PIBF1: variants seen among roughly 807,000 people sequenced by gnomAD.
PIBF1 encodes progesterone immunomodulatory binding factor 1.
A neutral mutation model predicts 112.5 loss-of-function variants in PIBF1; 90 were observed. The ratio of observed to expected loss-of-function variants is 0.80; its 90% CI spans 0.67 to 0.95. PIBF1 has a LOEUF of 0.95. Ranked by LOEUF, PIBF1 falls within the 40% of genes least tolerant of loss-of-function variation. The pLI is 0.00. For synonymous variants in PIBF1, 301 were observed against 288.6 expected (o/e 1.04, Z -0.44); for missense variants, 915 against 852.3 (o/e 1.07, Z -0.92).
chr13:72,801,340 C>T (rs1388650244), intron 5 of PIBF1, among the ~76,000 whole-genome samples: 1 of 151,296 alleles, frequency 6.6e-6, no homozygotes, highest in African/African-American at 2.4e-5. Context: ...GTGACACTCG[C>T]AGATGAACTA....
At chr13:72,955,561 G>A (rs1458128162) in intron 14 of PIBF1, among the ~76,000 whole-genome samples, 1 of 151,596 alleles carries the variant, frequency 6.6e-6, no homozygotes, top group East Asian at 1.9e-4. Flanking sequence ...AATTTTTTTC[G>A]TTTCAGAGCT....
At chr13:72,891,523 G>T (rs181544407) in intron 10 of PIBF1, among the ~76,000 whole-genome samples, 2 of 151,412 alleles carry the variant, frequency 1.3e-5, no homozygotes, top group Non-Finnish European at 2.9e-5. Context: ...ACCACTTCAC[G>T]CACACTAGAA....
intron 12 of PIBF1, among the ~76,000 whole-genome samples, chr13:72,915,637 A>T (rs2041062823): frequency 6.6e-6 from 1 of 152,198 alleles, no homozygotes; most frequent in Admixed American, 6.5e-5. Flanking sequence ...AGTAGAGCTT[A>T]TTTGGAGAAC....
At chr13:72,785,448 T>C (rs1256715415) in intron 2 of PIBF1, among the ~76,000 whole-genome samples, 1 of 152,320 alleles carries the variant, frequency 6.6e-6, no homozygotes, top group Admixed American at 6.5e-5. Context: ...TTGCTCTGAT[T>C]AAACAAAGCC....
intron 7 of PIBF1, 42 bp from the exon 8 acceptor site, chr13:72,827,691 A>G (rs2036883566): frequency 1.8e-6 from 2 of 1,112,906 alleles, no homozygotes; most frequent in Non-Finnish European, 2.5e-6. Context: ...GAAAAGTAAG[A>G]TGGCATCACT....
chr13:72,906,889 C>G (rs1313916372), intron 11 of PIBF1, among the ~76,000 whole-genome samples: 1 of 151,992 alleles, frequency 6.6e-6, no homozygotes, highest in Non-Finnish European at 1.5e-5. Context: ...TACTGATTCT[C>G]TCTTTTGACA....
chr13:72,892,519 T>C (rs545103000), intron 10 of PIBF1, among the ~76,000 whole-genome samples: 2 of 152,144 alleles, frequency 1.3e-5, no homozygotes, highest in African/African-American at 4.8e-5. Flanking sequence ...ATGAATATTA[T>C]GTAATAGCAG....
intron 8 of PIBF1, among the ~76,000 whole-genome samples, chr13:72,834,460 TA>T (rs35923544): frequency 6.6e-6 from 1 of 151,842 alleles, no homozygotes; most frequent in Non-Finnish European, 1.5e-5. Context: ...CCTGTCTCTA[TA>T]AAAAAAAGTT....
intron 3 of PIBF1, among the ~76,000 whole-genome samples, 186 bp downstream of exon 3, chr13:72,792,733 T>C (rs1253239083): frequency 6.6e-6 from 1 of 152,038 alleles, no homozygotes; most frequent in Admixed American, 6.6e-5. Context: ...ATACAGAAAG[T>C]CAAAATTCAA....
intron 5 of PIBF1, among the ~76,000 whole-genome samples, chr13:72,809,060 G>A (rs978253353): frequency 2.8e-5 from 4 of 144,992 alleles, no homozygotes; most frequent in East Asian, 2.0e-4. Context: ...CAGTCTTTCC[G>A]TTTTACTTTA....
intron 16 of PIBF1, among the ~76,000 whole-genome samples, chr13:72,989,668 G>A (rs937124846): frequency 5.3e-5 from 8 of 152,090 alleles, no homozygotes; most frequent in Admixed American, 2.0e-4. Context: ...TGTTTCTTTT[G>A]AGATGATGGA....
chr13:73,012,989 T>C (rs1424798472), intron 17 of PIBF1, among the ~76,000 whole-genome samples: 1 of 151,352 alleles, frequency 6.6e-6, no homozygotes, highest in Non-Finnish European at 1.5e-5. Flanking sequence ...CTACAAAAGC[T>C]ATAGCATATA....
At chr13:72,815,216 T>C (rs1449053307) in intron 5 of PIBF1, among the ~76,000 whole-genome samples, 1 of 152,278 alleles carries the variant, frequency 6.6e-6, no homozygotes, top group Non-Finnish European at 1.5e-5. Context: ...TTTACCATTG[T>C]ATCAAAAGAA....
At chr13:72,913,609 C>T (rs972528810) in intron 12 of PIBF1, among the ~76,000 whole-genome samples, 2 of 151,966 alleles carry the variant, frequency 1.3e-5, no homozygotes, top group African/African-American at 4.8e-5. Flanking sequence ...AAGACCATCT[C>T]TACAAAAAAA....
intron 10 of PIBF1, among the ~76,000 whole-genome samples, chr13:72,881,707 C>T (rs959375973): frequency 3.4e-5 from 5 of 145,626 alleles, no homozygotes; most frequent in Non-Finnish European, 6.0e-5. Flanking sequence ...CAGAGCAAGA[C>T]TCCATCTTGA....
In PIBF1 at chr13:72,973,585, T is replaced by C; in HGVS notation, c.1965-6T>C. ...GACTTTTTAAAACTGGGGTTTTTTT[T>C]TTCAGCAACTTAAATAAAGAAAAGT... On this transcript the variant is annotated splice_region_variant and splice_polypyrimidine_tract_variant and intron_variant, in intron 15 of 17. Transcript: ENST00000326291. The C allele has an allele frequency of 6.6e-7, 1 of 1,510,684 alleles. No homozygotes were observed. Among genetic ancestry groups the C allele is most frequent in the South Asian group, 1.2e-5 (1 of 80,600 alleles). The allele number at this position is 1,510,684 out of a possible 1,614,324, so 93.6% of individuals were successfully genotyped here. A position where few individuals can be genotyped will look rare whatever the true frequency, so the allele number is the denominator to read the frequency against.
At chr13:72,856,653 A>G (rs1272427905) in intron 10 of PIBF1, among the ~76,000 whole-genome samples, 1 of 152,186 alleles carries the variant, frequency 6.6e-6, no homozygotes, top group African/African-American at 2.4e-5. Context: ...CTTTAACAAA[A>G]TGCTTAAAAT....
intron 8 of PIBF1, among the ~76,000 whole-genome samples, chr13:72,831,096 T>C (rs1284352768): frequency 6.6e-6 from 1 of 152,174 alleles, no homozygotes; most frequent in Non-Finnish European, 1.5e-5. Context: ...TTTATTTCTG[T>C]GGGATCGTTG....
intron 13 of PIBF1, among the ~76,000 whole-genome samples, chr13:72,928,027 A>ATATATATACG (rs1566458670): frequency 3.1e-4 from 12 of 38,954 alleles, no homozygotes; most frequent in Non-Finnish European, 2.6e-4. Context: ...ATATATATAC[A>ATATATATACG]TATATATATA....
Sources: gnomAD v4.1 joint callset for allele counts (sites outside exome capture counted in the v4.1 genomes callset) on GRCh38, gnomAD v4.1.1 for gene constraint, MANE v1.5 for transcripts, NCBI Gene and HGNC (gene_info 2026-07-23, HGNC 2026-07-21) for gene names.